Variants in ZFP62 observed in about 807,000 individuals in gnomAD.
The protein encoded by ZFP62 is ZFP62 zinc finger protein.
In ZFP62, 44 loss-of-function variants were observed where a neutral mutation model predicts 56.4. The observed-to-expected ratio is 0.78, with a 90% confidence interval of 0.61 to 1.00. ZFP62 has a LOEUF of 1.00. Ranked by LOEUF, ZFP62 falls within the 50% of genes least tolerant of loss-of-function variation. The probability of loss-of-function intolerance (pLI) is 0.00; values close to 1 mark genes in which losing one functional copy is unlikely to be tolerated. For missense variants in ZFP62, 1,030 were observed against 1,085.7 expected (o/e 0.95, Z 0.72); for synonymous variants, 421 against 388.9 (o/e 1.08, Z -0.97).
At chr5:180,828,393 A>G in the ZFP62 span, among the ~76,000 whole-genome samples, 1 of 152,100 alleles carries the variant, frequency 6.6e-6, no homozygotes, top group Non-Finnish European at 1.5e-5. Context: ...TCCAGTCTCT[A>G]CCCAAGAAGC....
chr5:180,848,603 C>G lies in ZFP62; in HGVS notation c.*189G>C, dbSNP rs1037264493. The G allele has an allele frequency of 6.0e-5, 81 of 1,340,100 alleles. No individual in the cohort carries two copies. In the African/African-American group the frequency reaches 1.0e-3, roughly 17 times the overall value. 83.0% of individuals were successfully genotyped at this position (1,340,100 alleles called of 1,614,324 possible). A position where few individuals can be genotyped will look rare whatever the true frequency, so the allele number is the denominator to read the frequency against. The stretch of plus-strand genomic sequence containing the variant: ...TGGACTGTTTTATATCCTGTAAGAG[C>G]TGAACTACCTTGACACTGGAGCCTT... On this transcript the variant is annotated 3_prime_UTR_variant, in exon 2 of 2. Transcript: ENST00000502412.
the ZFP62 span, chr5:180,831,319 T>G: frequency 6.6e-6 from 1 of 152,192 alleles, no homozygotes; most frequent in Non-Finnish European, 1.5e-5. Context: ...CTCCTCCGCT[T>G]GCGGGAGCCG....
chr5:180,838,467 A>C, the ZFP62 span, among the ~76,000 whole-genome samples: 62 of 152,364 alleles, frequency 4.1e-4, no homozygotes, highest in African/African-American at 1.3e-3. Flanking sequence ...TTTGCTCTAA[A>C]GGACATTAGG....
At chr5:180,858,090 T>TAAAA (rs35177299) in intron 1 of ZFP62, among the ~76,000 whole-genome samples, 1 of 127,736 alleles carries the variant, frequency 7.8e-6, no homozygotes, top group East Asian at 2.3e-4. Flanking sequence ...CCATCTCTAC[T>TAAAA]AAAAAAAAAA....
chr5:180,850,350 A>T lies in ZFP62; in HGVS notation c.1145T>A (p.Val382Glu). The T allele has an allele frequency of 6.4e-7, 1 of 1,569,240 alleles. No individual in the cohort carries two copies. Among genetic ancestry groups the T allele is most frequent in the South Asian group, 1.2e-5 (1 of 85,274 alleles). Reference sequence around the variant, plus strand: ...CTCTCCTGTGTGGATCCTTTTATGCACTATGAGGCCTGAGCTGTTCCTGAA... The same window carrying T: ...CTCTCCTGTGTGGATCCTTTTATGCTCTATGAGGCCTGAGCTGTTCCTGAA... Reference protein sequence around the residue: ...KAFRNSSGLIVHKRIHTGEKP... With the variant: ...KAFRNSSGLIEHKRIHTGEKP... Residue 382 changes from valine to glutamate, a missense_variant, in exon 2 of 2, where the codon GTG (valine) becomes GAG (glutamate). Transcript: ENST00000502412.
chr5:180,849,790 C>T lies in ZFP62; in HGVS notation c.1705G>A (p.Ala569Thr), dbSNP rs1471040971. Reference protein sequence around the residue: ...RPYKCEECGKAYISLSSLINH... With the variant: ...RPYKCEECGKTYISLSSLINH... The stretch of plus-strand genomic sequence containing the variant: ...ATAAGGCTCGAGAGAGAGATGTATG[C>T]TTTCCCACATTCTTCACATTTGTAA... The change falls in exon 2 of 2, where the codon GCA becomes ACA. Residue 569 changes from alanine to threonine, a missense_variant. Ala to Thr is a moderately conservative substitution (Grantham distance 58, BLOSUM62 0). Coordinates refer to ENST00000502412, the MANE Select transcript of ZFP62 (RefSeq NM_001172638.2). 1 of 1,551,870 alleles carries T rather than the reference C, an allele frequency of 6.4e-7. No individual in the cohort carries two copies. Among genetic ancestry groups the T allele is most frequent in the East Asian group, 2.4e-5 (1 of 40,926 alleles).
chr5:180,840,818 TGTGTTGGG>T, the ZFP62 span, among the ~76,000 whole-genome samples: 4 of 151,114 alleles, frequency 2.6e-5, no homozygotes, highest in Non-Finnish European at 4.4e-5. Flanking sequence ...TGTGTGTGTG[TGTGTTGGG>T]GTTGGGGAGG....
chr5:180,836,673 C>A, the ZFP62 span, among the ~76,000 whole-genome samples: 1 of 152,234 alleles, frequency 6.6e-6, no homozygotes, highest in African/African-American at 2.4e-5. Context: ...AAGCAGCCTA[C>A]ATGGCGAAAC....
chr5:180,858,862 TC>T (rs1421591472), intron 1 of ZFP62, among the ~76,000 whole-genome samples: 1 of 152,180 alleles, frequency 6.6e-6, no homozygotes, highest in Non-Finnish European at 1.5e-5. Context: ...TAACCAGTTT[TC>T]AACACGCAGC....
intron 1 of ZFP62, among the ~76,000 whole-genome samples, chr5:180,860,245 A>G (rs1334132807): frequency 6.6e-6 from 1 of 152,248 alleles, no homozygotes; most frequent in Non-Finnish European, 1.5e-5. Context: ...CTAAGAGGGT[A>G]GGGCCTAGGA....
At chr5:180,842,969 G>C (rs1037079211), downstream of ZFP62, among the ~76,000 whole-genome samples, 2 of 151,602 alleles carry the variant, frequency 1.3e-5, no homozygotes, top group Non-Finnish European at 2.9e-5. Flanking sequence ...CTTGAATCTG[G>C]GAGGTAGCCA....
rs1022980700 is a variant in ZFP62 at position 180,849,020 on chromosome 5, T to C, written c.2475A>G (p.Ser825=). 3.2e-6 allele frequency: 5 copies of C among 1,551,906 alleles called. No homozygotes were observed. The highest frequency in any genetic ancestry group is 1.4e-5 in the African/African-American group (1 of 73,034). Residue 825 remains serine, a synonymous_variant, in exon 2 of 2, where the codon TCA becomes TCG. Coordinates refer to ENST00000502412, the MANE Select transcript of ZFP62 (RefSeq NM_001172638.2). ...GGATCCTTTTGTGCTGGTCAAGGAC[T>C]GATCTATAATTGAAGGATTTCCCAC... ...CECGKSFNYR[S]VLDQHKRIHT...
chr5:180,828,556 C>T, the ZFP62 span, among the ~76,000 whole-genome samples: 5 of 152,178 alleles, frequency 3.3e-5, no homozygotes, highest in African/African-American at 1.2e-4. Flanking sequence ...TTTATAATTT[C>T]TTATGCCTGT....
chr5:180,857,540 C>T (rs1774055366), intron 1 of ZFP62, among the ~76,000 whole-genome samples: 1 of 152,026 alleles, frequency 6.6e-6, no homozygotes, highest in Admixed American at 6.5e-5. Context: ...GCTCTGTTGC[C>T]CAGGCTGGAG....
chr5:180,851,629 G>A (rs1413713256), intron 1 of ZFP62, 136 bp from the exon 2 acceptor site: 1 of 1,075,698 alleles, frequency 9.3e-7, no homozygotes, highest in African/African-American at 1.6e-5. Flanking sequence ...CATGTGCCAT[G>A]TACCGGTTTT....
chr5:180,833,701 C>T, the ZFP62 span, among the ~76,000 whole-genome samples: 8 of 148,796 alleles, frequency 5.4e-5, no homozygotes, highest in Admixed American at 2.7e-4. Flanking sequence ...GATGGAGTCT[C>T]GCTCTATTGC....
chr5:180,846,054 G>A (rs1293475980), downstream of ZFP62, among the ~76,000 whole-genome samples: 1 of 152,122 alleles, frequency 6.6e-6, no homozygotes, highest in Non-Finnish European at 1.5e-5. Flanking sequence ...TTCTCTGGAA[G>A]GAACCGGGGG....
intron 1 of ZFP62, among the ~76,000 whole-genome samples, chr5:180,856,361 C>T (rs770973107): frequency 6.6e-6 from 1 of 152,170 alleles, no homozygotes; most frequent in Non-Finnish European, 1.5e-5. Flanking sequence ...AAAACACAGG[C>T]AGAAAAGCAC....
rs1773494143 is a variant in ZFP62, at chr5:180,848,372, C to G, written c.*420G>C. 1 of 990,068 alleles carries G rather than the reference C, an allele frequency of 1.0e-6. No homozygotes were observed. Among genetic ancestry groups the G allele is most frequent in the Non-Finnish European group, 1.2e-6 (1 of 833,104 alleles). The allele number at this position is 990,068 out of a possible 1,614,324, so 61.3% of individuals were successfully genotyped here. A position where few individuals can be genotyped will look rare whatever the true frequency, so the allele number is the denominator to read the frequency against. ...TGGAGGCCCTTAGTTTTCCCACTGA[C>G]CAATGTGTAATTGGGATTCAAAGCT... is the stretch of plus-strand genomic sequence containing the variant. On this transcript the variant is annotated 3_prime_UTR_variant, in exon 2 of 2. Transcript: ENST00000502412.
Sources: allele counts gnomAD v4.1 joint callset (sites outside exome capture counted in the v4.1 genomes callset), GRCh38; gene constraint gnomAD v4.1.1; transcripts MANE v1.5; gene names NCBI Gene and HGNC (gene_info 2026-07-23, HGNC 2026-07-21).